The following TCF4 variants were observed in gnomAD, a reference collection of about 807,000 sequenced individuals.
TCF4 encodes the protein SL3-3 enhancer factor 2.
Under a neutral mutation model 82.1 loss-of-function variants are expected in TCF4, and 3 were observed. The ratio of observed to expected loss-of-function variants is 0.04; its 90% CI spans 0.02 to 0.09. The LOEUF (loss-of-function observed/expected upper bound fraction) is 0.09. TCF4 is among the 10% of genes least tolerant of loss of function. The pLI is 1.00. For synonymous variants in TCF4, 276 were observed against 309.6 expected, an observed-to-expected ratio of 0.89 and a Z score of 1.14; for missense variants, 518 against 852.7, an observed-to-expected ratio of 0.61 and a Z score of 4.89.
At chr18:55,390,251 G>C (rs1440929905) in intron 6 of TCF4, among the ~76,000 whole-genome samples, 4 of 120,002 alleles carry the variant, frequency 3.3e-5, no homozygotes, top group Non-Finnish European at 6.4e-5. Context: ...GGGAGTTCAA[G>C]ACCAGCCTGG....
At chr18:55,430,216 G>A (rs1434934130) in intron 5 of TCF4, among the ~76,000 whole-genome samples, 2 of 152,132 alleles carry the variant, frequency 1.3e-5, no homozygotes, top group Non-Finnish European at 2.9e-5. Context: ...AGATCCCGTT[G>A]CATTTTCTGG....
chr18:55,334,884 T>C (rs1418272381), intron 8 of TCF4, among the ~76,000 whole-genome samples: 1 of 152,222 alleles, frequency 6.6e-6, no homozygotes, highest in Non-Finnish European at 1.5e-5. Flanking sequence ...AAACATATCC[T>C]GACAAATTAT....
At chr18:55,402,760 C>T (rs1489369145) in intron 6 of TCF4, among the ~76,000 whole-genome samples, 1 of 152,160 alleles carries the variant, frequency 6.6e-6, no homozygotes, top group African/African-American at 2.4e-5. Context: ...TAGAAATAGG[C>T]TCTCTCTGGA....
intron 15 of TCF4, among the ~76,000 whole-genome samples, chr18:55,238,105 A>G (rs1268468977): frequency 6.6e-6 from 1 of 152,254 alleles, no homozygotes; most frequent in East Asian, 1.9e-4. Flanking sequence ...TAATGTGACT[A>G]GGAGAAAGGA....
Position 55,378,197 on chromosome 18 carries a change from T to C in TCF4, c.369+25257A>G, listed in dbSNP as rs189696905. On this transcript the variant is annotated intron_variant, in intron 6 of 19. Transcript: ENST00000354452. ...TCCCTAAGAATACTTGACCCACAGATTGAGAAACAACGACCTCTTCAAAGA... is the reference window on the plus strand; with the variant it reads ...TCCCTAAGAATACTTGACCCACAGACTGAGAAACAACGACCTCTTCAAAGA... Among the ~76,000 whole-genome samples the C allele has an allele frequency of 4.0e-4, 61 of 152,236 alleles. No homozygotes were observed. In the East Asian group the frequency reaches 0.011, roughly 27 times the overall value.
chr18:55,436,498 A>G (rs2095332340), intron 5 of TCF4, among the ~76,000 whole-genome samples: 1 of 152,238 alleles, frequency 6.6e-6, no homozygotes, highest in Admixed American at 6.5e-5. Flanking sequence ...ATATTACAAG[A>G]CACAGAGGAG....
chr18:55,278,820 G>A (rs2061966043), intron 9 of TCF4, among the ~76,000 whole-genome samples: 1 of 20,242 alleles, frequency 4.9e-5, no homozygotes, highest in Non-Finnish European at 7.8e-5. Flanking sequence ...TGCCTGCCTT[G>A]GCCTCCCAAG....
chr18:55,332,210 A>G (rs899782981), intron 8 of TCF4: 2 of 152,350 alleles, frequency 1.3e-5, no homozygotes, highest in African/African-American at 4.8e-5. Flanking sequence ...ATGACGTAGA[A>G]GAAAACAAAG....
In TCF4 at chr18:55,234,387, G is replaced by A. The variant is rs138593876; in HGVS notation, c.1486+161C>T. ...CCCTGGAGAAACACAATTAGCGGGC[G>A]AAGTTCTAAATACTTTGCCATTTCC... is the stretch of plus-strand genomic sequence containing the variant. On this transcript the variant is annotated intron_variant, in intron 16 of 19. Coordinates refer to ENST00000354452, the MANE Select transcript of TCF4 (RefSeq NM_001083962.2). 3,698 of 932,868 alleles carry A rather than the reference G, an allele frequency of 4.0e-3. 23 individuals carry two copies. Among genetic ancestry groups the A allele is most frequent in the South Asian group, 4.8e-3 (294 of 61,472 alleles). 57.8% of individuals were successfully genotyped at this position (932,868 alleles called of 1,614,324 possible). A position where few individuals can be genotyped will look rare whatever the true frequency, so the allele number is the denominator to read the frequency against.
intron 5 of TCF4, among the ~76,000 whole-genome samples, chr18:55,434,073 C>G (rs1437583307): frequency 6.6e-6 from 1 of 152,126 alleles, no homozygotes; most frequent in African/African-American, 2.4e-5. Context: ...ACAAAATAGT[C>G]TCATTCAATG....
chr18:55,454,628 G>C (rs1036405634), intron 5 of TCF4, among the ~76,000 whole-genome samples: 1 of 152,120 alleles, frequency 6.6e-6, no homozygotes. Flanking sequence ...AGGCTTTAAA[G>C]AATTACATTT....
chr18:55,258,336 T>C (rs987405014), intron 13 of TCF4, among the ~76,000 whole-genome samples: 1 of 152,204 alleles, frequency 6.6e-6, no homozygotes, highest in Non-Finnish European at 1.5e-5. Context: ...TGGTCTTCCA[T>C]GATGCATTAC....
chr18:55,263,169 C>T (rs1263976875), intron 11 of TCF4, among the ~76,000 whole-genome samples: 1 of 151,990 alleles, frequency 6.6e-6, no homozygotes, highest in Non-Finnish European at 1.5e-5. Flanking sequence ...TTGTTAATTG[C>T]TAAAATACTG....
chr18:55,475,971 T>C (rs1280677648), intron 3 of TCF4, among the ~76,000 whole-genome samples: 1 of 152,176 alleles, frequency 6.6e-6, no homozygotes, highest in African/African-American at 2.4e-5. Flanking sequence ...ATTAATGCAA[T>C]GTATAAAGGC....
At chr18:55,518,405 T>TA (rs1159184973) in intron 3 of TCF4, among the ~76,000 whole-genome samples, 1 of 152,098 alleles carries the variant, frequency 6.6e-6, no homozygotes, top group Non-Finnish European at 1.5e-5. Flanking sequence ...TGTGCAAAGA[T>TA]ACAGAAATAA....
At chr18:55,439,435 C>T (rs2095395605) in intron 5 of TCF4, among the ~76,000 whole-genome samples, 2 of 152,124 alleles carry the variant, frequency 1.3e-5, no homozygotes. Context: ...AAATCAATGC[C>T]TGGAAAGAGG....
At chr18:55,467,752 G>A (rs184118700) in intron 3 of TCF4, among the ~76,000 whole-genome samples, 6 of 152,224 alleles carry the variant, frequency 3.9e-5, no homozygotes, top group Admixed American at 2.6e-4. Flanking sequence ...GACACTGCAC[G>A]GTCTTTTATA....
intron 5 of TCF4, among the ~76,000 whole-genome samples, chr18:55,454,420 C>G (rs1303149236): frequency 6.6e-6 from 1 of 152,130 alleles, no homozygotes; most frequent in Non-Finnish European, 1.5e-5. Context: ...TAAACCCTAT[C>G]TATCTAATTC....
At chr18:55,584,230 T>C (rs950441370) in intron 3 of TCF4, among the ~76,000 whole-genome samples, 5 of 152,178 alleles carry the variant, frequency 3.3e-5, no homozygotes, top group African/African-American at 1.2e-4. Context: ...CAAATGAATA[T>C]TAAAAGATGT....
Sources: allele counts gnomAD v4.1 joint callset (sites outside exome capture counted in the v4.1 genomes callset), GRCh38; gene constraint gnomAD v4.1.1; transcripts MANE v1.5; gene names NCBI Gene and HGNC (gene_info 2026-07-23, HGNC 2026-07-21).